Variants in TXLNG observed in about 807,000 individuals in gnomAD.
The protein encoded by TXLNG is gamma-taxilin.
Under a neutral mutation model 38.8 loss-of-function variants are expected in TXLNG, and 5 were observed. That is an observed-to-expected ratio of 0.13 (90% CI 0.07 to 0.27). The LOEUF is 0.27. Ranked by LOEUF, TXLNG falls within the 10% of genes least tolerant of loss-of-function variation. The probability of loss-of-function intolerance (pLI) is 1.00; values close to 1 mark genes in which losing one functional copy is unlikely to be tolerated. For missense variants in TXLNG, 393 were observed against 398.2 expected, an observed-to-expected ratio of 0.99 and a Z score of 0.11; for synonymous variants, 182 against 158.2, an observed-to-expected ratio of 1.15 and a Z score of -1.13.
chrX:16,791,617 G>A (rs1485407442), intron 1 of TXLNG, among the ~76,000 whole-genome samples: 4 of 111,457 alleles, frequency 3.6e-5, no homozygotes, highest in Admixed American at 9.6e-5. Flanking sequence ...ATGGAGTCTT[G>A]TTCTGTAGCC....
At chrX:16,792,472 C>T (rs1475273797) in intron 1 of TXLNG, among the ~76,000 whole-genome samples, 2 of 111,202 alleles carry the variant, frequency 1.8e-5, no homozygotes, top group Admixed American at 9.7e-5. Context: ...GTTAATATAA[C>T]GGGTGTGTCA....
chrX:16,804,559 A>T (rs1928250234), intron 1 of TXLNG, among the ~76,000 whole-genome samples: 1 of 93,210 alleles, frequency 1.1e-5, no homozygotes, highest in Non-Finnish European at 2.1e-5. Context: ...TTGTTTTTTT[A>T]CTCCTTTAAA....
intron 1 of TXLNG, among the ~76,000 whole-genome samples, chrX:16,795,832 G>A (rs1383578711): frequency 1.0e-5 from 1 of 99,583 alleles, no homozygotes. Context: ...TTTTTTTTGA[G>A]TCGGAGTTTC....
At chrX:16,814,085 C>A (rs971263530) in intron 1 of TXLNG, among the ~76,000 whole-genome samples, 1 of 109,104 alleles carries the variant, frequency 9.2e-6, no homozygotes, top group Admixed American at 9.8e-5. Context: ...GACTCCATCT[C>A]AAAAAAAATA....
At chrX:16,813,266 G>C (rs751078199) in intron 1 of TXLNG, among the ~76,000 whole-genome samples, 1 of 111,274 alleles carries the variant, frequency 9.0e-6, no homozygotes, top group Admixed American at 9.6e-5. Flanking sequence ...CAGTAGGATG[G>C]CTATAAAAAA....
At chrX:16,791,857 A>G (rs1927716644) in intron 1 of TXLNG, among the ~76,000 whole-genome samples, 1 of 112,534 alleles carries the variant, frequency 8.9e-6, no homozygotes. Flanking sequence ...AAGTGCTGGA[A>G]TTACAGGCAT....
rs959425749 is a variant in TXLNG, at chrX:16,814,138, A to G, written c.103-4436A>G. Among the ~76,000 whole-genome samples the G allele has an allele frequency of 6.3e-5, 7 of 111,825 alleles. No individual in the cohort carries two copies. The East Asian group carries it at 2.0e-3, about 31-fold the overall frequency. On this transcript the variant is annotated intron_variant, in intron 1 of 9. Coordinates refer to ENST00000380122, the MANE Select transcript of TXLNG (RefSeq NM_018360.3). Reference sequence around the variant, plus strand: ...TAGCCAAAAATTGGAAATAACCCACATGTCCATCTGATGAATGGATAAATA... The same window carrying G: ...TAGCCAAAAATTGGAAATAACCCACGTGTCCATCTGATGAATGGATAAATA...
At chrX:16,806,447 G>C (rs757473176) in intron 1 of TXLNG, among the ~76,000 whole-genome samples, 11 of 112,189 alleles carry the variant, frequency 9.8e-5, no homozygotes, top group Non-Finnish European at 1.9e-4. Context: ...TAGAAACAAA[G>C]GGTTGGAAAG....
chrX:16,799,888 A>C (rs1928022847), intron 1 of TXLNG, among the ~76,000 whole-genome samples: 1 of 111,899 alleles, frequency 8.9e-6, no homozygotes, highest in Admixed American at 9.5e-5. Flanking sequence ...CATTTATCTC[A>C]CATAGTAAAC....
chrX:16,823,103 T>A (rs1291455461), intron 3 of TXLNG, among the ~76,000 whole-genome samples: 2 of 111,573 alleles, frequency 1.8e-5, no homozygotes, highest in Admixed American at 9.6e-5. Flanking sequence ...GCCAAAAATT[T>A]GAAAGACAAA....
At chrX:16,797,013 G>A (rs755675284) in intron 1 of TXLNG, among the ~76,000 whole-genome samples, 1 of 111,660 alleles carries the variant, frequency 9.0e-6, no homozygotes, top group Non-Finnish European at 1.9e-5. Context: ...GCTGGGCGCG[G>A]TGGCTCATGT....
At chrX:16,835,790 A>C (rs1478860530) in intron 7 of TXLNG, among the ~76,000 whole-genome samples, 1 of 111,782 alleles carries the variant, frequency 8.9e-6, no homozygotes, top group South Asian at 3.7e-4. Flanking sequence ...CTCTGCCCTC[A>C]CCATGTCATT....
intron 1 of TXLNG, among the ~76,000 whole-genome samples, chrX:16,799,536 G>GC (rs994838908): frequency 9.0e-6 from 1 of 111,527 alleles, no homozygotes; most frequent in African/African-American, 3.3e-5. Flanking sequence ...ACTTTGGGAG[G>GC]CCAAGGCGGG....
rs962025359 is a variant in TXLNG, at chrX:16,842,074, G to C, written c.*308G>C. On this transcript the variant is annotated 3_prime_UTR_variant, in exon 10 of 10. Transcript: ENST00000380122. ...CATCCTAATGAAAATTTCACTGACAGGGCCGACCATTACAAGGGAACTTTG... is the reference window on the plus strand; with the variant it reads ...CATCCTAATGAAAATTTCACTGACACGGCCGACCATTACAAGGGAACTTTG... The C allele has an allele frequency of 9.3e-6, 2 of 215,627 alleles. No individual in the cohort carries two copies. The highest frequency in any genetic ancestry group is 5.8e-5 in the African/African-American group (2 of 34,222). 17.8% of individuals were successfully genotyped at this position (215,627 alleles called of 1,213,427 possible). A position where few individuals can be genotyped will look rare whatever the true frequency, so the allele number is the denominator to read the frequency against.
intron 1 of TXLNG, among the ~76,000 whole-genome samples, chrX:16,811,378 G>A (rs902747892): frequency 1.8e-5 from 2 of 110,263 alleles, no homozygotes; most frequent in African/African-American, 6.6e-5. Context: ...TTTTTAAGAT[G>A]GAGTTTTCCC....
chrX:16,819,068 G>GT (rs1198115891), intron 2 of TXLNG, among the ~76,000 whole-genome samples, 191 bp downstream of exon 2: 104 of 103,412 alleles, frequency 1.0e-3, no homozygotes, highest in East Asian at 1.5e-3. Flanking sequence ...AGGACGCTTA[G>GT]TTTTTTTTTT....
intron 1 of TXLNG, among the ~76,000 whole-genome samples, chrX:16,792,905 T>C (rs769353708): frequency 1.9e-4 from 21 of 110,398 alleles, no homozygotes; most frequent in Non-Finnish European, 4.0e-4. Flanking sequence ...AAGACCAGCC[T>C]GGTCAACATG....
Position 16,818,502 on chromosome X carries a change from A to T in TXLNG, c.103-72A>T, listed in dbSNP as rs1928821621. 4.0e-5 allele frequency: 44 copies of T among 1,104,227 alleles called. No homozygotes were observed. The East Asian group carries it at 1.3e-3, about 32-fold the overall frequency. The allele number at this position is 1,104,227 out of a possible 1,213,427, so 91.0% of individuals were successfully genotyped here. ...AAAAACTATCAGGCTATGATGTTCC[A>T]TTGCTTGTAAACATTGATTACATTA... On this transcript the variant is annotated intron_variant, in intron 1 of 9. Coordinates refer to ENST00000380122, the MANE Select transcript of TXLNG (RefSeq NM_018360.3).
At chrX:16,808,953 C>T (rs925274596) in intron 1 of TXLNG, among the ~76,000 whole-genome samples, 2 of 111,927 alleles carry the variant, frequency 1.8e-5, no homozygotes, top group African/African-American at 6.5e-5. Context: ...CTCCCTCCAA[C>T]ATCTTATGAA....
Sources: allele counts gnomAD v4.1 joint callset (sites outside exome capture counted in the v4.1 genomes callset), GRCh38; gene constraint gnomAD v4.1.1; transcripts MANE v1.5; gene names NCBI Gene and HGNC (gene_info 2026-07-23, HGNC 2026-07-21).